Variants in MAGI2 observed in about 807,000 individuals in gnomAD.
MAGI2 encodes the protein membrane associated guanylate kinase, WW and PDZ domain containing 2.
MAGI2 carries 35 observed loss-of-function variants against 133.3 expected under a neutral mutation model. The ratio of observed to expected loss-of-function variants is 0.26; its 90% CI spans 0.20 to 0.35. The LOEUF is 0.35. MAGI2 is among the 10% of genes least tolerant of loss of function. MAGI2 has a pLI of 1.00. For missense variants in MAGI2, 1,636 were observed against 1,863.4 expected (o/e 0.88, Z 2.25); for synonymous variants, 729 against 710.6 (o/e 1.03, Z -0.41).
At chr7:78,842,074 GTAA>G (rs1422189282) in intron 2 of MAGI2, among the ~76,000 whole-genome samples, 14 of 151,976 alleles carry the variant, frequency 9.2e-5, no homozygotes, top group Admixed American at 9.2e-4. Flanking sequence ...CATTCAACCA[GTAA>G]TAATAATGCC....
intron 6 of MAGI2, among the ~76,000 whole-genome samples, chr7:78,462,580 G>T (rs762727303): frequency 6.6e-6 from 1 of 152,170 alleles, no homozygotes; most frequent in Non-Finnish European, 1.5e-5. Flanking sequence ...TCTAAAGAAG[G>T]TGCCTCTGAT....
intron 2 of MAGI2, among the ~76,000 whole-genome samples, chr7:78,735,333 C>T (rs540392692): frequency 1.4e-4 from 22 of 152,288 alleles, no homozygotes; most frequent in African/African-American, 5.1e-4. Context: ...AAATGGGTGT[C>T]TACAGATCTT....
chr7:78,931,902 G>A (rs1485231224), intron 2 of MAGI2, among the ~76,000 whole-genome samples: 2 of 151,204 alleles, frequency 1.3e-5, no homozygotes, highest in African/African-American at 4.9e-5. Context: ...AACCTGAAAT[G>A]CTACAAAATC....
intron 2 of MAGI2, among the ~76,000 whole-genome samples, chr7:78,788,548 T>A (rs58214272): frequency 0.043 from 6,461 of 151,836 alleles, 365 homozygotes; most frequent in African/African-American, 0.13. Flanking sequence ...CATTTTTTTT[T>A]AAAATTTGAA....
intron 2 of MAGI2, among the ~76,000 whole-genome samples, chr7:79,005,679 C>T (rs1022193515): frequency 1.3e-5 from 2 of 152,142 alleles, no homozygotes; most frequent in African/African-American, 2.4e-5. Flanking sequence ...TCCTTTCTTT[C>T]ATGTCACAAA....
At chr7:78,247,989 ACT>A (rs1166737819) in intron 10 of MAGI2, among the ~76,000 whole-genome samples, 2 of 152,198 alleles carry the variant, frequency 1.3e-5, no homozygotes, top group Non-Finnish European at 2.9e-5. Context: ...TCCCAAACAA[ACT>A]CAACCTAGAG....
chr7:78,353,553 A>C (rs1430403816), intron 7 of MAGI2, among the ~76,000 whole-genome samples: 1 of 152,250 alleles, frequency 6.6e-6, no homozygotes, highest in Non-Finnish European at 1.5e-5. Context: ...AAAATATAAC[A>C]CAAGGCAAAA....
intron 1 of MAGI2, among the ~76,000 whole-genome samples, chr7:79,075,568 C>T (rs1241815445): frequency 1.3e-5 from 2 of 152,032 alleles, no homozygotes; most frequent in African/African-American, 4.8e-5. Context: ...CAAGACCAGC[C>T]TGGGCAACAT....
intron 1 of MAGI2, among the ~76,000 whole-genome samples, chr7:79,206,294 G>A (rs1337211942): frequency 6.6e-6 from 1 of 151,430 alleles, no homozygotes; most frequent in African/African-American, 2.4e-5. Flanking sequence ...AACTGAGTTG[G>A]TTTTTTGAAA....
intron 1 of MAGI2, among the ~76,000 whole-genome samples, chr7:79,132,485 T>C (rs990041027): frequency 6.6e-6 from 1 of 152,290 alleles, no homozygotes; most frequent in East Asian, 1.9e-4. Context: ...TTTATTTTAA[T>C]AGGTGAGTAG....
rs567603155 is a variant in MAGI2, at chr7:79,383,048, T to C, written c.301+69972A>G. On this transcript the variant is annotated intron_variant, in intron 1 of 21. Transcript: ENST00000354212. ...TAAAGATGACAGGACCAAAAGAAGATACCGAAAACATTTGTTTTTCTACAT... is the reference window on the plus strand; with the variant it reads ...TAAAGATGACAGGACCAAAAGAAGACACCGAAAACATTTGTTTTTCTACAT... Among the ~76,000 whole-genome samples, 9 of 151,756 alleles carry C rather than the reference T, an allele frequency of 5.9e-5. No homozygotes were observed. The South Asian group carries it at 1.2e-3, about 21-fold the overall frequency.
chr7:78,112,113 G>C (rs1181131922), intron 20 of MAGI2, among the ~76,000 whole-genome samples: 1 of 152,094 alleles, frequency 6.6e-6, no homozygotes, highest in Non-Finnish European at 1.5e-5. Context: ...CTGTGGGGTT[G>C]GTATATTCTG....
chr7:79,121,039 T>C (rs191256995), intron 1 of MAGI2, among the ~76,000 whole-genome samples: 1 of 151,996 alleles, frequency 6.6e-6, no homozygotes, highest in Non-Finnish European at 1.5e-5. Context: ...CTAATCAGAG[T>C]AAATACTAGG....
chr7:78,054,747 C>A (rs988095465), intron 21 of MAGI2, among the ~76,000 whole-genome samples: 1 of 151,930 alleles, frequency 6.6e-6, no homozygotes, highest in South Asian at 2.1e-4. Flanking sequence ...GCAGCCTCAA[C>A]CTTGTGGGCT....
intron 2 of MAGI2, among the ~76,000 whole-genome samples, chr7:78,754,304 G>A (rs144519021): frequency 0.012 from 1,751 of 151,972 alleles, 44 homozygotes; most frequent in African/African-American, 0.04. Flanking sequence ...CCAGGAGATT[G>A]AGGCTGCAGT....
chr7:78,026,164 C>T (rs1052701657), intron 21 of MAGI2: 29 of 152,414 alleles, frequency 1.9e-4, no homozygotes, highest in African/African-American at 6.8e-4. Context: ...ACAGATCACA[C>T]ACACCCCATT....
intron 20 of MAGI2, among the ~76,000 whole-genome samples, chr7:78,084,375 T>A (rs1369269825): frequency 2.0e-5 from 3 of 152,242 alleles, no homozygotes; most frequent in African/African-American, 7.2e-5. Context: ...CTGTGTCATC[T>A]ATACCTGCCA....
chr7:78,079,157 A>G, intron 20 of MAGI2, 72 bp from the exon 21 acceptor site: 2 of 1,469,142 alleles, frequency 1.4e-6, no homozygotes, highest in South Asian at 1.2e-5. Context: ...AGATTAAAAA[A>G]AAAGCATGTC....
chr7:78,407,546 T>C (rs1797495199), intron 6 of MAGI2, among the ~76,000 whole-genome samples: 2 of 152,014 alleles, frequency 1.3e-5, no homozygotes, highest in African/African-American at 2.4e-5. Context: ...ATGATGCTGA[T>C]CTTCAAAAGC....
Sources: allele counts gnomAD v4.1 joint callset (sites outside exome capture counted in the v4.1 genomes callset), GRCh38; gene constraint gnomAD v4.1.1; transcripts MANE v1.5; gene names NCBI Gene and HGNC (gene_info 2026-07-23, HGNC 2026-07-21).